GRIN2B: variants seen among roughly 807,000 people sequenced by gnomAD.
GRIN2B encodes the protein glutamate ionotropic receptor NMDA type subunit 2B, also known as glutamate receptor ionotropic, NMDA 2B.
Under a neutral mutation model 114.5 loss-of-function variants are expected in GRIN2B, and 5 were observed. That is an observed-to-expected ratio of 0.04 (90% confidence interval 0.02 to 0.09). The LOEUF (loss-of-function observed/expected upper bound fraction) is 0.09. Among genes scored for constraint, GRIN2B ranks in the 10% least tolerant of loss-of-function variants. The probability of loss-of-function intolerance (pLI) is 1.00; values close to 1 mark genes in which losing one functional copy is unlikely to be tolerated. For synonymous variants in GRIN2B, 787 were observed against 745.1 expected (o/e 1.06, Z -0.92); for missense variants, 1,108 against 1,943.5 (o/e 0.57, Z 8.08).
chr12:13,580,638 C>T (rs756950740), intron 10 of GRIN2B, among the ~76,000 whole-genome samples: 3 of 152,174 alleles, frequency 2.0e-5, no homozygotes, highest in African/African-American at 7.2e-5. Context: ...TCTGAAGACA[C>T]CACATTTTTA....
chr12:13,838,699 C>T (rs181079951), intron 3 of GRIN2B, among the ~76,000 whole-genome samples: 13 of 152,230 alleles, frequency 8.5e-5, no homozygotes, highest in African/African-American at 2.9e-4. Flanking sequence ...AGGTGTGGCA[C>T]AGGAGAATTT....
intron 3 of GRIN2B, among the ~76,000 whole-genome samples, chr12:13,857,118 C>A (rs1339152982): frequency 6.6e-6 from 1 of 152,048 alleles, no homozygotes; most frequent in Non-Finnish European, 1.5e-5. Flanking sequence ...TGAGGAAGTG[C>A]AAAAGGCAAT....
chr12:13,648,141 A>T (rs192645894), intron 5 of GRIN2B, among the ~76,000 whole-genome samples: 49 of 152,218 alleles, frequency 3.2e-4, no homozygotes, highest in Non-Finnish European at 5.9e-4. Flanking sequence ...GACATGCCAA[A>T]TTACATGAGA....
intron 4 of GRIN2B, among the ~76,000 whole-genome samples, chr12:13,719,105 AC>A (rs2136590547): frequency 6.6e-6 from 1 of 151,986 alleles, no homozygotes; most frequent in East Asian, 2.0e-4. Context: ...TTAACTCATC[AC>A]CACGCACTCT....
chr12:13,948,319 A>T (rs2136844161), intron 2 of GRIN2B, among the ~76,000 whole-genome samples: 2 of 152,260 alleles, frequency 1.3e-5, no homozygotes, highest in South Asian at 2.1e-4. Flanking sequence ...CTAAATTCAA[A>T]AATGGGCTGC....
intron 4 of GRIN2B, among the ~76,000 whole-genome samples, chr12:13,693,455 A>G (rs1950231759): frequency 6.6e-6 from 1 of 152,190 alleles, no homozygotes; most frequent in African/African-American, 2.4e-5. Context: ...CCTTTAGGTC[A>G]TCACATATAA....
intron 10 of GRIN2B, among the ~76,000 whole-genome samples, chr12:13,604,689 C>T (rs1034630077): frequency 6.6e-6 from 1 of 152,252 alleles, no homozygotes; most frequent in Middle Eastern, 3.4e-3. Context: ...CATTACCATA[C>T]CCTGTCCCAA....
At chr12:13,756,470 A>G (rs1863578409) in intron 3 of GRIN2B, among the ~76,000 whole-genome samples, 1 of 152,236 alleles carries the variant, frequency 6.6e-6, no homozygotes, top group African/African-American at 2.4e-5. Context: ...TGACACCCCT[A>G]GAATAGCTGT....
intron 3 of GRIN2B, among the ~76,000 whole-genome samples, chr12:13,788,182 T>A (rs937737678): frequency 6.6e-6 from 1 of 152,116 alleles, no homozygotes; most frequent in Admixed American, 6.5e-5. Flanking sequence ...CAAAGTCAGG[T>A]AGATATTAGA....
intron 4 of GRIN2B, chr12:13,683,933 G>A (rs1226890367): frequency 6.6e-6 from 1 of 152,164 alleles, no homozygotes; most frequent in Non-Finnish European, 1.5e-5. Flanking sequence ...CATATTTAGA[G>A]CTGAACACTC....
rs1034234017 is a variant in GRIN2B at position 13,556,513 on chromosome 12, T to C, written c.*6270A>G. On this transcript the variant is annotated 3_prime_UTR_variant, in exon 14 of 14. Coordinates refer to ENST00000609686, the MANE Select transcript of GRIN2B (RefSeq NM_000834.5). Reference sequence around the variant, plus strand: ...AGAGCTTTTATTTTTTTCTCCTGCATAGTACTAGAATCTGCTCCACCTCCT... The same window carrying C: ...AGAGCTTTTATTTTTTTCTCCTGCACAGTACTAGAATCTGCTCCACCTCCT... The C allele has an allele frequency of 2.6e-5, 4 of 152,186 alleles. No individual in the cohort carries two copies. The highest frequency in any genetic ancestry group is 9.6e-5 in the African/African-American group (4 of 41,452). 9.4% of individuals were successfully genotyped at this position (152,186 alleles called of 1,614,324 possible).
intron 2 of GRIN2B, among the ~76,000 whole-genome samples, chr12:13,973,102 C>T (rs567965588): frequency 6.8e-4 from 104 of 152,290 alleles, no homozygotes; most frequent in African/African-American, 2.3e-3. Context: ...AAAGAATGAG[C>T]GTCCTCACCT....
At chr12:13,837,873 C>A (rs1366740891) in intron 3 of GRIN2B, among the ~76,000 whole-genome samples, 2 of 152,170 alleles carry the variant, frequency 1.3e-5, no homozygotes, top group East Asian at 3.8e-4. Context: ...TGATGGAAAT[C>A]TGTGAACAGC....
At chr12:13,836,186 G>A (rs1160629763) in intron 3 of GRIN2B, among the ~76,000 whole-genome samples, 1 of 152,106 alleles carries the variant, frequency 6.6e-6, no homozygotes, top group African/African-American at 2.4e-5. Context: ...CTTTTCCAGG[G>A]CTGCCAGCCC....
intron 4 of GRIN2B, among the ~76,000 whole-genome samples, chr12:13,745,775 GC>G (rs796548146): frequency 4.6e-5 from 7 of 152,298 alleles, no homozygotes; most frequent in African/African-American, 1.7e-4. Context: ...ACAGTGAGGG[GC>G]TGAAATCCAG....
At chr12:13,663,282 AT>A (rs1203221963) in intron 5 of GRIN2B, among the ~76,000 whole-genome samples, 8 of 152,180 alleles carry the variant, frequency 5.3e-5, no homozygotes, top group South Asian at 2.1e-4. Flanking sequence ...TGCAGAAGGA[AT>A]TTTTTTTAAT....
intron 2 of GRIN2B, among the ~76,000 whole-genome samples, chr12:13,943,510 C>A (rs219915): frequency 0.45 from 68,663 of 151,924 alleles, 15,711 homozygotes; most frequent in East Asian, 0.52. Flanking sequence ...CAAAGCCCTA[C>A]GTGAACTGGC....
At chr12:13,793,247 CCA>C (rs1187408257) in intron 3 of GRIN2B, among the ~76,000 whole-genome samples, 1 of 152,108 alleles carries the variant, frequency 6.6e-6, no homozygotes, top group Non-Finnish European at 1.5e-5. Context: ...ATGGTGAAAC[CCA>C]GTCTCTACTA....
intron 4 of GRIN2B, among the ~76,000 whole-genome samples, chr12:13,682,593 G>A (rs1950141301): frequency 6.6e-6 from 1 of 152,058 alleles, no homozygotes; most frequent in Non-Finnish European, 1.5e-5. Flanking sequence ...CTAAATTAGT[G>A]GTGTTAAGTT....
Sources: gnomAD v4.1 joint callset for allele counts (sites outside exome capture counted in the v4.1 genomes callset) on GRCh38, gnomAD v4.1.1 for gene constraint, MANE v1.5 for transcripts, NCBI Gene and HGNC (gene_info 2026-07-23, HGNC 2026-07-21) for gene names.